The following OXR1 variants were observed in gnomAD, a reference collection of about 807,000 sequenced individuals.
OXR1 encodes the protein oxidation resistance protein 1.
In OXR1, 41 loss-of-function variants were observed where a neutral mutation model predicts 104.6. The ratio of observed to expected loss-of-function variants is 0.39; its 90% CI spans 0.31 to 0.51. The LOEUF is 0.51. OXR1 is among the 20% of genes least tolerant of loss of function. The pLI, the probability that OXR1 is intolerant of heterozygous loss-of-function variation, is 0.77. For synonymous variants in OXR1, 348 were observed against 348.4 expected (o/e 1.00, Z 0.01); for missense variants, 955 against 1,031.9 (o/e 0.93, Z 1.02).
chr8:106,446,123 T>A (rs1400555704), intron 2 of OXR1, among the ~76,000 whole-genome samples: 1 of 152,170 alleles, frequency 6.6e-6, no homozygotes, highest in Non-Finnish European at 1.5e-5. Context: ...AAGTGGTTTG[T>A]CTCCCCAACC....
intron 1 of OXR1, among the ~76,000 whole-genome samples, chr8:106,309,709 T>C (rs1326383007): frequency 2.6e-5 from 4 of 151,374 alleles, no homozygotes; most frequent in Non-Finnish European, 5.9e-5. Flanking sequence ...ATATAAAATT[T>C]TAGTCATCTT....
At chr8:106,573,436 T>C (rs1261678465) in intron 3 of OXR1, among the ~76,000 whole-genome samples, 1 of 152,036 alleles carries the variant, frequency 6.6e-6, no homozygotes, top group East Asian at 1.9e-4. Context: ...GAAGAGTTTA[T>C]TGAGTGAAAT....
At chr8:106,644,846 T>C (rs376748468) in intron 3 of OXR1, among the ~76,000 whole-genome samples, 30 of 152,256 alleles carry the variant, frequency 2.0e-4, no homozygotes, top group African/African-American at 6.7e-4. Context: ...AATTTAAAAA[T>C]TGAGGTTCCT....
At chr8:106,542,510 C>T (rs908239553) in intron 3 of OXR1, among the ~76,000 whole-genome samples, 2 of 152,092 alleles carry the variant, frequency 1.3e-5, no homozygotes, top group Non-Finnish European at 2.9e-5. Context: ...CATATTTCCA[C>T]CAACGTTTGT....
intron 2 of OXR1, among the ~76,000 whole-genome samples, chr8:106,472,206 T>C (rs1821527282): frequency 6.6e-6 from 1 of 151,848 alleles, no homozygotes; most frequent in African/African-American, 2.4e-5. Flanking sequence ...TGTAGGAGAA[T>C]ACTCTCTGGA....
chr8:106,595,145 CTTCTG>C (rs1819416061), intron 3 of OXR1, among the ~76,000 whole-genome samples: 1 of 152,230 alleles, frequency 6.6e-6, no homozygotes, highest in Non-Finnish European at 1.5e-5. Context: ...TTATAACCAA[CTTCTG>C]TTCTCTAGAC....
chr8:106,745,675 C>T, intron 15 of OXR1, 114 bp from the exon 16 acceptor site: 1 of 529,368 alleles, frequency 1.9e-6, no homozygotes, highest in Non-Finnish European at 3.3e-6. Flanking sequence ...TTGTGGTGTT[C>T]TTATTCTTAT....
intron 3 of OXR1, among the ~76,000 whole-genome samples, chr8:106,582,699 A>G (rs1343872714): frequency 6.6e-6 from 1 of 152,196 alleles, no homozygotes; most frequent in African/African-American, 2.4e-5. Flanking sequence ...AAGCCACAGA[A>G]GTGTTGTTTT....
chr8:106,433,125 T>C (rs997057389), intron 2 of OXR1, among the ~76,000 whole-genome samples: 3 of 152,178 alleles, frequency 2.0e-5, no homozygotes, highest in African/African-American at 4.8e-5. Flanking sequence ...TTTCCCCATT[T>C]GGGGATCAGA....
intron 2 of OXR1, among the ~76,000 whole-genome samples, chr8:106,391,436 C>G (rs1292730835): frequency 1.3e-5 from 2 of 151,980 alleles, no homozygotes; most frequent in African/African-American, 4.8e-5. Context: ...TGCCTGTGTT[C>G]CATGACCATG....
chr8:106,357,476 C>T (rs1014955492), intron 1 of OXR1, among the ~76,000 whole-genome samples: 2 of 152,066 alleles, frequency 1.3e-5, no homozygotes, highest in African/African-American at 4.8e-5. Flanking sequence ...ATTATTCTGG[C>T]AGTCAGGGTC....
At chr8:106,581,098 T>C in intron 3 of OXR1, 1 of 1,222,864 alleles carries the variant, frequency 8.2e-7, no homozygotes, top group Non-Finnish European at 1.0e-6. Flanking sequence ...AAAAATATGG[T>C]GCTATTCAAA....
At chr8:106,404,287 C>G (rs1669862109) in intron 2 of OXR1, among the ~76,000 whole-genome samples, 6 of 152,108 alleles carry the variant, frequency 3.9e-5, no homozygotes, top group Admixed American at 3.9e-4. Context: ...GTAAAGAAGA[C>G]TTACCAGAAT....
At chr8:106,573,673 A>G (rs1817633263) in intron 3 of OXR1, among the ~76,000 whole-genome samples, 2 of 152,200 alleles carry the variant, frequency 1.3e-5, no homozygotes, top group African/African-American at 4.8e-5. Context: ...TTCTCTAAGA[A>G]GGGACTGTAG....
intron 3 of OXR1, among the ~76,000 whole-genome samples, chr8:106,552,348 A>G (rs112264476): frequency 6.6e-6 from 1 of 152,076 alleles, no homozygotes; most frequent in Non-Finnish European, 1.5e-5. Context: ...AAGTAGTCCC[A>G]TTTCTATGTA....
intron 1 of OXR1, among the ~76,000 whole-genome samples, chr8:106,302,656 T>A (rs1209862260): frequency 2.0e-5 from 3 of 151,542 alleles, no homozygotes; most frequent in African/African-American, 7.3e-5. Context: ...GAAAATGTAA[T>A]GGCAGTAAAA....
At chr8:106,453,868 T>G (rs1372709548) in intron 2 of OXR1, among the ~76,000 whole-genome samples, 1 of 106,954 alleles carries the variant, frequency 9.3e-6, no homozygotes, top group East Asian at 4.8e-4. Flanking sequence ...TTTCATCAAA[T>G]CTAAGATGGT....
At chr8:106,668,267 T>C (rs1311443785) in intron 3 of OXR1, among the ~76,000 whole-genome samples, 1 of 152,232 alleles carries the variant, frequency 6.6e-6, no homozygotes, top group Non-Finnish European at 1.5e-5. Context: ...AATTTCAGTC[T>C]TATAGCACTG....
intron 2 of OXR1, among the ~76,000 whole-genome samples, chr8:106,468,257 G>A (rs190091696): frequency 1.3e-5 from 2 of 151,938 alleles, no homozygotes; most frequent in African/African-American, 4.8e-5. Flanking sequence ...CATGCAAACA[G>A]TAAATAGGAT....
Sources: gnomAD v4.1 joint callset for allele counts (sites outside exome capture counted in the v4.1 genomes callset) on GRCh38, gnomAD v4.1.1 for gene constraint, MANE v1.5 for transcripts, NCBI Gene and HGNC (gene_info 2026-07-23, HGNC 2026-07-21) for gene names.